CELSR1: variants seen among roughly 807,000 people sequenced by gnomAD.
The protein encoded by CELSR1 is adhesion G protein-coupled receptor C1.
CELSR1 carries 110 observed loss-of-function variants against 249.1 expected under a neutral mutation model. That is an observed-to-expected ratio of 0.44 (90% CI 0.38 to 0.52). CELSR1 has a LOEUF of 0.52. Ranked by LOEUF, CELSR1 falls within the 20% of genes least tolerant of loss-of-function variation. The pLI, the probability that CELSR1 is intolerant of heterozygous loss-of-function variation, is 0.00. For synonymous variants in CELSR1, 2,113 were observed against 1,900.0 expected (o/e 1.11, Z -2.92); for missense variants, 4,109 against 4,296.4 (o/e 0.96, Z 1.22).
At chr22:46,504,938 T>TCAA (rs2080500513) in intron 1 of CELSR1, among the ~76,000 whole-genome samples, 2 of 152,128 alleles carry the variant, frequency 1.3e-5, no homozygotes, top group South Asian at 4.1e-4. Flanking sequence ...TTGCAATACA[T>TCAA]CAACACAGTG....
chr22:46,424,496 C>A (rs987815488), intron 5 of CELSR1, among the ~76,000 whole-genome samples: 3 of 152,062 alleles, frequency 2.0e-5, no homozygotes, highest in Non-Finnish European at 4.4e-5. Context: ...CATGGAAACA[C>A]CCTGCAAAAA....
At chr22:46,501,146 G>A (rs1347055895) in intron 1 of CELSR1, among the ~76,000 whole-genome samples, 1 of 150,362 alleles carries the variant, frequency 6.7e-6, no homozygotes, top group Non-Finnish European at 1.5e-5. Flanking sequence ...CAATTCTCCT[G>A]CCTCAGCCTC....
At position 46,399,620 on chromosome 22, in the gene CELSR1, G is replaced by C. The variant is rs1017681447; in HGVS notation, c.5412+97C>G. 30 of 1,274,368 alleles carry C rather than the reference G, an allele frequency of 2.4e-5. No individual in the cohort carries two copies. In the Admixed American group the frequency reaches 5.7e-4, roughly 24 times the overall value. 78.9% of individuals were successfully genotyped at this position (1,274,368 alleles called of 1,614,324 possible). Reference sequence around the variant, plus strand: ...AGAAAGTGCCTCCCCAAATCCACAAGGTCTCTGGTGGGTCCTGGCACGTCA... The same window carrying C: ...AGAAAGTGCCTCCCCAAATCCACAACGTCTCTGGTGGGTCCTGGCACGTCA... On this transcript the variant is annotated intron_variant, in intron 10 of 34. Transcript: ENST00000674500. This position sits in a 1 kb window ranked among gnomAD's most constrained non-coding sequence, Gnocchi z 5.0.
In CELSR1 at chr22:46,386,595, C is replaced by G. The variant is rs1269703994; in HGVS notation, c.6556-10G>C. The G allele has an allele frequency of 6.3e-7, 1 of 1,580,752 alleles. No homozygotes were observed. Among genetic ancestry groups the G allele is most frequent in the Non-Finnish European group, 8.5e-7 (1 of 1,170,578 alleles). The stretch of plus-strand genomic sequence containing the variant: ...CCGAGTGGATGACGTCCTGGTCAGA[C>G]AGACAGCACTCAGTACTCAGCCTGC... On this transcript the variant is annotated splice_polypyrimidine_tract_variant and intron_variant, in intron 18 of 34. Transcript: ENST00000674500.
intron 1 of CELSR1, among the ~76,000 whole-genome samples, chr22:46,533,016 C>T (rs553050176): frequency 2.0e-4 from 30 of 152,266 alleles, no homozygotes; most frequent in African/African-American, 7.0e-4. Flanking sequence ...ATTACAAGCC[C>T]GCATCCAGGA....
chr22:46,398,655 C>A lies in CELSR1; in HGVS notation c.5413-18G>T. 4 of 1,588,382 alleles carry A rather than the reference C, an allele frequency of 2.5e-6. No homozygotes were observed. Among genetic ancestry groups the A allele is most frequent in the Non-Finnish European group, 3.4e-6 (4 of 1,164,830 alleles). On this transcript the variant is annotated intron_variant, in intron 10 of 34. Coordinates refer to ENST00000674500, the MANE Select transcript of CELSR1 (RefSeq NM_001378328.1). The surrounding 1 kb of genome is among the most constrained non-coding windows in gnomAD (Gnocchi z 7.2). ...GCCTTGTTCTGTGCGGAGAGAGGGGCCGGGGATCTGGGGGCTGCATCCACC... is the reference window on the plus strand; with the variant it reads ...GCCTTGTTCTGTGCGGAGAGAGGGGACGGGGATCTGGGGGCTGCATCCACC...
rs1431324111 is a variant in CELSR1 at position 46,381,977 on chromosome 22, CCT to C, written c.6955_6956del (p.Arg2319GlyfsTer12). The C allele has an allele frequency of 5.7e-6, 9 of 1,565,564 alleles. No homozygotes were observed. The highest frequency in any genetic ancestry group is 7.8e-6 in the Non-Finnish European group (9 of 1,157,532). On this transcript the variant is annotated frameshift_variant, in exon 21 of 35. Transcript: ENST00000674500. LOFTEE classifies it high-confidence loss of function. This position sits in a 1 kb window ranked among gnomAD's most constrained non-coding sequence, Gnocchi z 6.0. The part of the protein sequence containing the change: ...QTTRPGPGTE[R>X]EAPISRRRRH... ...GCCTCCGCCTGCTGATCGGGGCCTCCCTCTCGGTGCCAGGCCCCGGGCGCGTG... is the reference window on the plus strand; with the variant it reads ...GCCTCCGCCTGCTGATCGGGGCCTCCCTCGGTGCCAGGCCCCGGGCGCGTG...
At chr22:46,420,107 T>C (rs1470010355) in intron 5 of CELSR1, among the ~76,000 whole-genome samples, 1 of 145,526 alleles carries the variant, frequency 6.9e-6, no homozygotes, top group Non-Finnish European at 1.5e-5. Context: ...CACTCGTGCA[T>C]ACTCATCCAC....
rs1300511995 is a variant in CELSR1, at chr22:46,391,347, A to G, written c.6149-60T>C. ...GCACGCCACACCCACGACCACAAAC[A>G]GGCACCACTGTCTGCATGCGCCTCC... On this transcript the variant is annotated intron_variant, in intron 15 of 34. Coordinates refer to ENST00000674500, the MANE Select transcript of CELSR1 (RefSeq NM_001378328.1). This position sits in a 1 kb window ranked among gnomAD's most constrained non-coding sequence, Gnocchi z 4.3. 6 of 1,459,446 alleles carry G rather than the reference A, an allele frequency of 4.1e-6. No homozygotes were observed. The highest frequency in any genetic ancestry group is 3.5e-5 in the Admixed American group (2 of 57,144). 90.4% of individuals were successfully genotyped at this position (1,459,446 alleles called of 1,614,324 possible).
chr22:46,469,397 C>T (rs1018688997), intron 1 of CELSR1, among the ~76,000 whole-genome samples: 1 of 152,242 alleles, frequency 6.6e-6, no homozygotes, highest in Non-Finnish European at 1.5e-5. Flanking sequence ...ACTGGCTACA[C>T]CCCTGGGTCC....
rs933374068 is a variant in CELSR1, at chr22:46,401,167, T to C, written c.5227-1265A>G. Among the ~76,000 whole-genome samples the C allele has an allele frequency of 6.6e-6, 1 of 152,158 alleles. No homozygotes were observed. The highest frequency in any genetic ancestry group is 1.5e-5 in the Non-Finnish European group (1 of 68,024). On this transcript the variant is annotated intron_variant, in intron 9 of 34. Transcript: ENST00000674500. This position sits in a 1 kb window ranked among gnomAD's most constrained non-coding sequence, Gnocchi z 4.7. ...CTCCTATTTTTGGATGTAAACATTATACTTTATAAGACAAGATTTAATCCT... is the reference window on the plus strand; with the variant it reads ...CTCCTATTTTTGGATGTAAACATTACACTTTATAAGACAAGATTTAATCCT...
Position 46,536,995 on chromosome 22 carries a change from C to T in CELSR1, c.176G>A (p.Arg59Gln). 1.8e-6 allele frequency: 2 copies of T among 1,117,714 alleles called. No homozygotes were observed. The highest frequency in any genetic ancestry group is 2.2e-6 in the Non-Finnish European group (2 of 916,744). The allele number at this position is 1,117,714 out of a possible 1,614,324, so 69.2% of individuals were successfully genotyped here. A position where few individuals can be genotyped will look rare whatever the true frequency, so the allele number is the denominator to read the frequency against. The change falls in exon 1 of 35, where the codon CGG becomes CAG. Residue 59 changes from arginine (R) to glutamine (Q), a missense_variant. This residue lies in a region of CELSR1 where 673 missense variants were observed against 636.8 expected (regional missense o/e 1.06). Coordinates refer to ENST00000674500, the MANE Select transcript of CELSR1 (RefSeq NM_001378328.1). ...CACGTCCAGCAGCTCCCGCGGCGCC[C>T]GGGGCGTGCAAGCGGCGCCCACCGC... ...TYAVGAACTP[R>Q]APRELLDVGR...
At chr22:46,432,859 C>G (rs1352157506) in intron 5 of CELSR1, among the ~76,000 whole-genome samples, 1 of 152,108 alleles carries the variant, frequency 6.6e-6, no homozygotes. Flanking sequence ...CTGTGTACCC[C>G]CCGACCCAGA....
Position 46,363,163 on chromosome 22 carries a change from G to C in CELSR1, c.*60C>G. The stretch of plus-strand genomic sequence containing the variant: ...GAGGGTGATGCCGCAGCCTGTGTGG[G>C]GTGACGGGCTTGCCTCACGGTTTCC... On this transcript the variant is annotated 3_prime_UTR_variant, in exon 35 of 35. Coordinates refer to ENST00000674500, the MANE Select transcript of CELSR1 (RefSeq NM_001378328.1). This position sits in a 1 kb window ranked among gnomAD's most constrained non-coding sequence, Gnocchi z 4.3. 6.2e-7 allele frequency: 1 copy of C among 1,613,720 alleles called. No homozygotes were observed. The highest frequency in any genetic ancestry group is 8.5e-7 in the Non-Finnish European group (1 of 1,179,894).
rs1227807619 is a variant in CELSR1, at chr22:46,464,099, G to A, written c.3791C>T (p.Ala1264Val). 9.3e-6 allele frequency: 15 copies of A among 1,613,690 alleles called. No individual in the cohort carries two copies. The highest frequency in any genetic ancestry group is 1.1e-5 in the Non-Finnish European group (13 of 1,180,044). Reference sequence around the variant, plus strand: ...GCCGCGGACGCCGCCAGGCAGCAGCGCCGAGAAGGTCACGTTCAGGATGTT... The same window carrying A: ...GCCGCGGACGCCGCCAGGCAGCAGCACCGAGAAGGTCACGTTCAGGATGTT... ...SSNILNVTFS[A>V]LLPGGVRGQF... is the part of the protein sequence containing the mutation. Residue 1264 changes from alanine (A) to valine (V), a missense_variant, in exon 2 of 35, where the codon GCG becomes GTG. Ala to Val is a moderately conservative substitution (Grantham distance 64, BLOSUM62 0). Transcript: ENST00000674500. The surrounding 1 kb of genome is among the most constrained non-coding windows in gnomAD (Gnocchi z 8.5).
chr22:46,371,181 G>T (rs997573256), intron 25 of CELSR1, among the ~76,000 whole-genome samples: 10 of 152,094 alleles, frequency 6.6e-5, no homozygotes, highest in African/African-American at 2.4e-4. Context: ...GGTTCTTCAG[G>T]GTCCCTTAGA....
Position 46,533,925 on chromosome 22 carries a change from C to T in CELSR1, c.3246G>A (p.Val1082=). Residue 1082 remains valine (V), a synonymous_variant, in exon 1 of 35, where the codon GTG becomes GTA. Coordinates refer to ENST00000674500, the MANE Select transcript of CELSR1 (RefSeq NM_001378328.1). The part of the protein sequence containing the change: ...LVVQATSAPL[V]SRATVHILLV... ...GAAGGATGTGCACCGTGGCTCGGCT[C>T]ACCAGCGGAGCCGACGTGGCCTGCA... is the stretch of plus-strand genomic sequence containing the variant. 1 of 1,613,116 alleles carries T rather than the reference C, an allele frequency of 6.2e-7. No homozygotes were observed. Among genetic ancestry groups the T allele is most frequent in the Non-Finnish European group, 8.5e-7 (1 of 1,180,008 alleles).
rs149832474 is a variant in CELSR1, at chr22:46,398,599, C to T, written c.5451G>A (p.Thr1817=). ...ADIGGMLPGL[T]VRSVVVGGAS... ...CGCCTCCGACCACCACGCTCCTTAC[C>T]GTCAGCCCGGGAAGCATGCCCCCGA... Residue 1817 remains threonine, a synonymous_variant, in exon 11 of 35, where the codon ACG becomes ACA. Coordinates refer to ENST00000674500, the MANE Select transcript of CELSR1 (RefSeq NM_001378328.1). This position sits in a 1 kb window ranked among gnomAD's most constrained non-coding sequence, Gnocchi z 7.2. 398 of 1,613,934 alleles carry T rather than the reference C, an allele frequency of 2.5e-4. 1 individual carries two copies. The highest frequency in any genetic ancestry group is 1.7e-4 in the Non-Finnish European group (206 of 1,179,950).
chr22:46,411,842 G>C lies in CELSR1; in HGVS notation c.4612-83C>G. 6.4e-7 allele frequency: 1 copy of C among 1,565,904 alleles called. No individual in the cohort carries two copies. The highest frequency in any genetic ancestry group is 8.7e-7 in the Non-Finnish European group (1 of 1,148,576). ...GGCGCACCTGTCACTCATAGAGCGA[G>C]GAGGACATGGCACAGGGTGGGCGGC... On this transcript the variant is annotated intron_variant, in intron 5 of 34. Transcript: ENST00000674500. The surrounding 1 kb of genome is among the most constrained non-coding windows in gnomAD (Gnocchi z 4.2).
Sources: allele counts gnomAD v4.1 joint callset (sites outside exome capture counted in the v4.1 genomes callset), GRCh38; gene constraint gnomAD v4.1.1; regional missense constraint gnomAD v4.1.1; non-coding constraint Gnocchi (gnomAD v3.1); transcripts MANE v1.5; gene names NCBI Gene and HGNC (gene_info 2026-07-23, HGNC 2026-07-21).